Variants in BTF3 observed in about 807,000 individuals in gnomAD.
BTF3 encodes transcription factor BTF3.
BTF3 carries 12 observed loss-of-function variants against 23.9 expected under a neutral mutation model. The ratio of observed to expected loss-of-function variants is 0.50; its 90% CI spans 0.32 to 0.81. BTF3 has a LOEUF of 0.81. BTF3 is among the 40% of genes least tolerant of loss of function. The pLI, the probability that BTF3 is intolerant of heterozygous loss-of-function variation, is 0.03. For missense variants in BTF3, 215 were observed against 255.9 expected (o/e 0.84, Z 1.09); for synonymous variants, 96 against 94.8 (o/e 1.01, Z -0.07).
Position 73,505,362 on chromosome 5 carries a change from A to G in BTF3, c.*124A>G. On this transcript the variant is annotated 3_prime_UTR_variant, in exon 6 of 6. Transcript: ENST00000380591. ...TAAAATCTAGATCTCTAATATTTTT[A>G]AGCCCAAGCCCCTTGGACACTGCAG... 1.2e-6 allele frequency: 1 copy of G among 814,922 alleles called. No individual in the cohort carries two copies. The allele number at this position is 814,922 out of a possible 1,614,324, so 50.5% of individuals were successfully genotyped here. A position where few individuals can be genotyped will look rare whatever the true frequency, so the allele number is the denominator to read the frequency against.
At chr5:73,499,655 C>A in intron 2 of BTF3, 1 of 234,122 alleles carries the variant, frequency 4.3e-6, no homozygotes, top group South Asian at 5.4e-5. Flanking sequence ...TTTGAAGATA[C>A]GGGTACATTT....
chr5:73,503,779 C>A (rs529350994), intron 4 of BTF3, among the ~76,000 whole-genome samples: 1 of 152,294 alleles, frequency 6.6e-6, no homozygotes, highest in Admixed American at 6.5e-5. Context: ...TCAGGGCTTT[C>A]AGAGCTGAAA....
In BTF3 at chr5:73,498,564, A is replaced by G. The variant is rs1746336714; in HGVS notation, c.-104A>G. On this transcript the variant is annotated 5_prime_UTR_variant, in exon 1 of 6. Coordinates refer to ENST00000380591, the MANE Select transcript of BTF3 (RefSeq NM_001037637.2). ...CCCTTATTCGCTCCGACAAGGTACAAAAAGGCTCTGGACGGCGGCGTGGTA... is the reference window on the plus strand; with the variant it reads ...CCCTTATTCGCTCCGACAAGGTACAGAAAGGCTCTGGACGGCGGCGTGGTA... The G allele has an allele frequency of 4.3e-6, 6 of 1,394,692 alleles. No individual in the cohort carries two copies. The highest frequency in any genetic ancestry group is 3.2e-5 in the South Asian group (2 of 62,982). 86.4% of individuals were successfully genotyped at this position (1,394,692 alleles called of 1,614,324 possible).
intron 2 of BTF3, 74 bp downstream of exon 2, chr5:73,499,276 C>A: frequency 6.7e-7 from 1 of 1,483,722 alleles, no homozygotes; most frequent in Non-Finnish European, 9.3e-7. Flanking sequence ...ATTCCTTTTG[C>A]GCTTCTTATA....
intron 2 of BTF3, 165 bp downstream of exon 2, chr5:73,499,367 G>C: frequency 1.3e-6 from 1 of 755,868 alleles, no homozygotes; most frequent in East Asian, 2.7e-5. Flanking sequence ...GAGGGTTGGA[G>C]ACACATCAGT....
intron 1 of BTF3, 99 bp downstream of exon 1, chr5:73,498,898 G>A (rs1038645287): frequency 1.1e-5 from 16 of 1,460,632 alleles, no homozygotes; most frequent in Admixed American, 5.6e-5. Context: ...CAGGCGTGGG[G>A]TAGAGCCTTT....
At chr5:73,504,125 A>G (rs1746500554) in intron 4 of BTF3, among the ~76,000 whole-genome samples, 1 of 152,082 alleles carries the variant, frequency 6.6e-6, no homozygotes. Flanking sequence ...ATGGGTATGG[A>G]ATTTTGTTTG....
Position 73,505,303 on chromosome 5 carries a change from C to T in BTF3, c.*65C>T, listed in dbSNP as rs1280790296. The stretch of plus-strand genomic sequence containing the variant: ...TGGGAGCTGCTATTTTATATTATGA[C>T]TGCTTTTTAAGAAATTTTTGTTTAT... On this transcript the variant is annotated 3_prime_UTR_variant, in exon 6 of 6. Coordinates refer to ENST00000380591, the MANE Select transcript of BTF3 (RefSeq NM_001037637.2). 6.9e-7 allele frequency: 1 copy of T among 1,450,718 alleles called. No individual in the cohort carries two copies. The highest frequency in any genetic ancestry group is 1.4e-5 in the African/African-American group (1 of 69,940). 89.9% of individuals were successfully genotyped at this position (1,450,718 alleles called of 1,614,324 possible). A position where few individuals can be genotyped will look rare whatever the true frequency, so the allele number is the denominator to read the frequency against.
At chr5:73,500,047 C>T (rs1052501383) in intron 2 of BTF3, among the ~76,000 whole-genome samples, 21 of 152,154 alleles carry the variant, frequency 1.4e-4, no homozygotes, top group African/African-American at 5.1e-4. Context: ...CAACTTTAAG[C>T]GTTTAACTTA....
intron 1 of BTF3, 69 bp downstream of exon 1, chr5:73,498,868 C>T (rs1294501681): frequency 1.3e-6 from 2 of 1,487,852 alleles, no homozygotes; most frequent in African/African-American, 2.9e-5. Context: ...AGGCCAGGGC[C>T]AGGGGTGGGG....
chr5:73,498,947 G>A (rs771068947), intron 1 of BTF3, 148 bp downstream of exon 1: 26 of 1,338,498 alleles, frequency 1.9e-5, no homozygotes, highest in Non-Finnish European at 2.6e-5. Flanking sequence ...GTGGGGGAGT[G>A]GTGGGGAGGC....
intron 5 of BTF3, chr5:73,504,878 G>T: frequency 3.9e-6 from 1 of 255,978 alleles, no homozygotes. Flanking sequence ...ATATTTATTG[G>T]GCAGGAGAAT....
At position 73,498,751 on chromosome 5, in the gene BTF3, GC is replaced by G. The variant is rs1746344485; in HGVS notation, c.85del (p.Leu29CysfsTer17). 6.7e-7 allele frequency: 1 copy of G among 1,494,914 alleles called. No individual in the cohort carries two copies. Among genetic ancestry groups the G allele is most frequent in the South Asian group, 1.3e-5 (1 of 79,694 alleles). The allele number at this position is 1,494,914 out of a possible 1,614,324, so 92.6% of individuals were successfully genotyped here. ...GCGGCTGCCCTGGGGGCGAGGCGAC[GC>G]TGTCTCAACCTCCACCTCGCGGCGG... The part of the protein sequence containing the change: ...RGGCPGGEAT[L>X]SQPPPRGGTR... On this transcript the variant is annotated frameshift_variant, in exon 1 of 6. Transcript: ENST00000380591. LOFTEE classifies it high-confidence loss of function.
Position 73,500,416 on chromosome 5 carries a change from C to T in BTF3, c.201+1214C>T, listed in dbSNP as rs554925606. ...CTTATGTGCAGTCTTTTTGTTGTTACTCTCATCATTAGGCTTTAACTTTGG... is the reference window on the plus strand; with the variant it reads ...CTTATGTGCAGTCTTTTTGTTGTTATTCTCATCATTAGGCTTTAACTTTGG... On this transcript the variant is annotated intron_variant, in intron 2 of 5. Coordinates refer to ENST00000380591, the MANE Select transcript of BTF3 (RefSeq NM_001037637.2). 2.6e-5 allele frequency among the ~76,000 whole-genome samples: 4 copies of T among 152,202 alleles called. No individual in the cohort carries two copies. The South Asian group carries it at 8.3e-4, about 32-fold the overall frequency.
chr5:73,504,267 CTTTT>C (rs34051700), intron 4 of BTF3, 76 bp from the exon 5 acceptor site: 847 of 124,842 alleles, frequency 6.8e-3, no homozygotes, highest in East Asian at 0.03. Flanking sequence ...TTCATCTGTT[CTTTT>C]TTTTTTTTTT....
At chr5:73,499,464 A>T in intron 2 of BTF3, 2 of 529,074 alleles carry the variant, frequency 3.8e-6, no homozygotes, top group South Asian at 3.7e-5. Flanking sequence ...AGTGTTTCCT[A>T]ATTTAATTAG....
At chr5:73,503,560 C>T (rs894300944) in intron 4 of BTF3, among the ~76,000 whole-genome samples, 2 of 152,064 alleles carry the variant, frequency 1.3e-5, no homozygotes, top group African/African-American at 2.4e-5. Context: ...GGATTTTATT[C>T]GGGGCAGAAA....
intron 2 of BTF3, among the ~76,000 whole-genome samples, chr5:73,501,094 ATCT>A (rs1157654805): frequency 3.3e-5 from 5 of 152,216 alleles, no homozygotes; most frequent in Non-Finnish European, 2.9e-5. Context: ...TCTTAAAAAA[ATCT>A]TCTTTCACAG....
chr5:73,504,560 A>T, intron 5 of BTF3, 157 bp downstream of exon 5: 1 of 516,550 alleles, frequency 1.9e-6, no homozygotes, highest in Non-Finnish European at 3.4e-6. Context: ...GGTAATTGAG[A>T]ATTATGTTTA....
Sources: gnomAD v4.1 joint callset for allele counts (sites outside exome capture counted in the v4.1 genomes callset) on GRCh38, gnomAD v4.1.1 for gene constraint, MANE v1.5 for transcripts, NCBI Gene and HGNC (gene_info 2026-07-23, HGNC 2026-07-21) for gene names.